Variants in CDH18 observed in about 807,000 individuals in gnomAD.
CDH18 encodes cadherin 18.
In CDH18, 31 loss-of-function variants were observed where a neutral mutation model predicts 67.9. The observed-to-expected ratio is 0.46, with a 90% CI of 0.34 to 0.62. CDH18 has a LOEUF of 0.62. CDH18 is among the 20% of genes least tolerant of loss of function. CDH18 has a pLI of 0.01. For missense variants in CDH18, 890 were observed against 975.5 expected (o/e 0.91, Z 1.17); for synonymous variants, 362 against 347.2 (o/e 1.04, Z -0.48).
intron 2 of CDH18, among the ~76,000 whole-genome samples, chr5:20,099,844 C>T (rs1746304675): frequency 6.6e-6 from 1 of 152,078 alleles, no homozygotes; most frequent in South Asian, 2.1e-4. Context: ...AGTGCAGTGG[C>T]AGGGTCTTGG....
intron 3 of CDH18, among the ~76,000 whole-genome samples, chr5:19,788,403 A>G (rs1776035811): frequency 6.6e-6 from 1 of 152,234 alleles, no homozygotes; most frequent in African/African-American, 2.4e-5. Context: ...TTAATGAGAA[A>G]GGAATTAAAA....
At chr5:19,769,280 C>T (rs867888813) in intron 3 of CDH18, among the ~76,000 whole-genome samples, 1 of 151,958 alleles carries the variant, frequency 6.6e-6, no homozygotes, top group Non-Finnish European at 1.5e-5. Flanking sequence ...TCCTAGAAGA[C>T]AAAACAAAGC....
intron 10 of CDH18, among the ~76,000 whole-genome samples, chr5:19,506,904 G>A: frequency 6.6e-6 from 1 of 152,144 alleles, no homozygotes; most frequent in African/African-American, 2.4e-5. Flanking sequence ...ATTGACAAAT[G>A]GGATCTAATT....
At chr5:20,419,040 T>C (rs566393750) in intron 1 of CDH18, among the ~76,000 whole-genome samples, 1 of 152,226 alleles carries the variant, frequency 6.6e-6, no homozygotes, top group East Asian at 1.9e-4. Flanking sequence ...CTTGAAATTG[T>C]ATCTCCTAGA....
intron 8 of CDH18, among the ~76,000 whole-genome samples, chr5:19,552,757 C>T (rs946242529): frequency 1.3e-5 from 2 of 152,068 alleles, no homozygotes; most frequent in South Asian, 4.1e-4. Context: ...TGGACAAGTC[C>T]CATAGGCAAA....
At chr5:19,729,728 C>G (rs563327284) in intron 4 of CDH18, among the ~76,000 whole-genome samples, 1 of 152,312 alleles carries the variant, frequency 6.6e-6, no homozygotes, top group African/African-American at 2.4e-5. Context: ...TCATAATTCT[C>G]TTCATAGTTG....
At chr5:19,974,578 C>T (rs1361672640) in intron 2 of CDH18, among the ~76,000 whole-genome samples, 1 of 148,990 alleles carries the variant, frequency 6.7e-6, no homozygotes, top group Non-Finnish European at 1.5e-5. Flanking sequence ...ATGGGAAGGA[C>T]CATTAGAGAG....
intron 2 of CDH18, among the ~76,000 whole-genome samples, chr5:20,216,734 C>CA (rs1740810226): frequency 1.3e-5 from 2 of 152,050 alleles, no homozygotes; most frequent in South Asian, 4.1e-4. Flanking sequence ...ACAGCAACAT[C>CA]AGCAGCAGAA....
chr5:19,914,060 CA>C (rs1383025518), intron 2 of CDH18, among the ~76,000 whole-genome samples: 1 of 151,958 alleles, frequency 6.6e-6, no homozygotes, highest in South Asian at 2.1e-4. Context: ...ATTTAGCTCA[CA>C]AAAAGGAAAC....
At chr5:19,785,379 G>A (rs10941484) in intron 3 of CDH18, among the ~76,000 whole-genome samples, 61,816 of 150,854 alleles carry the variant, frequency 0.41, 12,985 homozygotes, top group East Asian at 0.63. Flanking sequence ...TAGGCCAGGC[G>A]CGGTGGCTCA....
intron 3 of CDH18, among the ~76,000 whole-genome samples, chr5:19,824,192 G>T (rs528572101): frequency 1.3e-4 from 20 of 152,276 alleles, no homozygotes; most frequent in South Asian, 1.2e-3. Context: ...ATAGAAGATG[G>T]CAGATTAGAA....
intron 5 of CDH18, among the ~76,000 whole-genome samples, chr5:19,693,910 AAAAG>A (rs1762221598): frequency 6.6e-6 from 1 of 151,862 alleles, no homozygotes; most frequent in Admixed American, 6.6e-5. Context: ...AAAAAAAAAA[AAAAG>A]ATTATGACAG....
At chr5:20,398,714 C>T (rs1261978091) in intron 1 of CDH18, among the ~76,000 whole-genome samples, 24 of 133,134 alleles carry the variant, frequency 1.8e-4, no homozygotes, top group South Asian at 5.2e-4. Context: ...CACGTATAAC[C>T]ATGTAAAAAA....
chr5:19,817,592 T>G (rs188562828), intron 3 of CDH18, among the ~76,000 whole-genome samples: 1 of 152,182 alleles, frequency 6.6e-6, no homozygotes, highest in African/African-American at 2.4e-5. Flanking sequence ...TTAATCATTT[T>G]AAATAATCAC....
At chr5:20,391,587 C>T (rs763808972) in intron 1 of CDH18, among the ~76,000 whole-genome samples, 1 of 151,970 alleles carries the variant, frequency 6.6e-6, no homozygotes, top group Non-Finnish European at 1.5e-5. Context: ...TGAGATTCTA[C>T]TATTAAGTTT....
At chr5:20,127,975 G>GT (rs1297991933) in intron 2 of CDH18, among the ~76,000 whole-genome samples, 1 of 152,060 alleles carries the variant, frequency 6.6e-6, no homozygotes, top group Non-Finnish European at 1.5e-5. Flanking sequence ...TGGATACATA[G>GT]TCTTCTCCTG....
At chr5:19,541,815 G>T (rs1320322353) in intron 9 of CDH18, among the ~76,000 whole-genome samples, 1 of 151,890 alleles carries the variant, frequency 6.6e-6, no homozygotes, top group African/African-American at 2.4e-5. Flanking sequence ...TGAGATATGG[G>T]TGAGGACAAC....
At chr5:19,576,028 A>G (rs994660890) in intron 7 of CDH18, among the ~76,000 whole-genome samples, 1 of 151,896 alleles carries the variant, frequency 6.6e-6, no homozygotes, top group Non-Finnish European at 1.5e-5. Context: ...TATGCAAAGT[A>G]CCCGTAGGGG....
At chr5:20,164,177 GAGA>G (rs1352252230) in intron 2 of CDH18, among the ~76,000 whole-genome samples, 5 of 152,174 alleles carry the variant, frequency 3.3e-5, no homozygotes, top group Non-Finnish European at 5.9e-5. Flanking sequence ...ACATTCCAGT[GAGA>G]AGAAAACAAT....
Sources: allele counts gnomAD v4.1 joint callset (sites outside exome capture counted in the v4.1 genomes callset), GRCh38; gene constraint gnomAD v4.1.1; transcripts MANE v1.5; gene names NCBI Gene and HGNC (gene_info 2026-07-23, HGNC 2026-07-21).